GUCY2C: variants seen among roughly 807,000 people sequenced by gnomAD.
The protein encoded by GUCY2C is guanylyl cyclase C.
In GUCY2C, 118 loss-of-function variants were observed where a neutral mutation model predicts 131.1. The observed-to-expected ratio is 0.90, with a 90% CI of 0.78 to 1.05. GUCY2C has a LOEUF of 1.05. GUCY2C is among the 50% of genes least tolerant of loss of function. The pLI is 0.00. For missense variants in GUCY2C, 1,161 were observed against 1,304.4 expected (o/e 0.89, Z 1.69); for synonymous variants, 452 against 457.8 (o/e 0.99, Z 0.16).
intron 22 of GUCY2C, among the ~76,000 whole-genome samples, chr12:14,621,774 G>A (rs1035673368): frequency 1.3e-5 from 2 of 152,110 alleles, no homozygotes; most frequent in African/African-American, 4.8e-5. Context: ...ATTAATTCCT[G>A]CTGAACTTCC....
At chr12:14,614,774 A>G in intron 26 of GUCY2C, 93 bp downstream of exon 26, 1 of 716,198 alleles carries the variant, frequency 1.4e-6, no homozygotes, top group South Asian at 1.7e-5. Context: ...AATATATGCC[A>G]CTTGTAAGGC....
At chr12:14,678,967 GAGGAAAAGATC>G (rs1735246469) in intron 6 of GUCY2C, among the ~76,000 whole-genome samples, 1 of 152,170 alleles carries the variant, frequency 6.6e-6, no homozygotes, top group African/African-American at 2.4e-5. Context: ...GAGAAATGTG[GAGGAAAAGATC>G]ACCACCTAGT....
chr12:14,674,526 TG>T, intron 8 of GUCY2C, 98 bp downstream of exon 8: 3 of 904,290 alleles, frequency 3.3e-6, no homozygotes, highest in Non-Finnish European at 5.2e-6. Context: ...GATTTAGCTG[TG>T]GAATCATCTA....
At chr12:14,618,536 T>A (rs1284142224) in intron 24 of GUCY2C, among the ~76,000 whole-genome samples, 1 of 151,860 alleles carries the variant, frequency 6.6e-6, no homozygotes, top group Non-Finnish European at 1.5e-5. Flanking sequence ...AAAATCAATT[T>A]CCAGAAAAAA....
At chr12:14,690,814 T>G (rs913155824) in intron 1 of GUCY2C, among the ~76,000 whole-genome samples, 1 of 152,226 alleles carries the variant, frequency 6.6e-6, no homozygotes, top group Non-Finnish European at 1.5e-5. Context: ...GTGCTGGGAT[T>G]ACAGGCGTGA....
chr12:14,674,120 T>C (rs4764116), intron 8 of GUCY2C, among the ~76,000 whole-genome samples: 150,464 of 152,236 alleles, frequency 0.99, 74,372 homozygotes, highest in Middle Eastern at 1. Context: ...AAACGAAAGA[T>C]GGGAGTTTCA....
chr12:14,679,667 C>T lies in GUCY2C; in HGVS notation c.820G>A (p.Asp274Asn), dbSNP rs755325413. 3.3e-6 allele frequency: 5 copies of T among 1,530,996 alleles called. No individual in the cohort carries two copies. The African/African-American group carries it at 4.1e-5, about 13-fold the overall frequency. The allele number at this position is 1,530,996 out of a possible 1,614,324, so 94.8% of individuals were successfully genotyped here. Residue 274 changes from aspartate to asparagine, a missense_variant, in exon 6 of 27, where the codon GAT becomes AAT. Physicochemically the swap from Asp to Asn is conservative, Grantham distance 23. Coordinates refer to ENST00000261170, the MANE Select transcript of GUCY2C (RefSeq NM_004963.4). ...AAATGTTATACCTACTTGAAAAGAT[C>T]CACTAGAATAATGACAATGTCTTCA... ...VAEDIVIILV[D>N]LFNDQYFEDN...
chr12:14,682,482 G>A (rs539836413), intron 4 of GUCY2C, among the ~76,000 whole-genome samples: 1 of 152,306 alleles, frequency 6.6e-6, no homozygotes, highest in African/African-American at 2.4e-5. Flanking sequence ...ATGCGAAACT[G>A]TGAGTCAATT....
At chr12:14,692,165 T>G (rs1466511633) in intron 1 of GUCY2C, among the ~76,000 whole-genome samples, 1 of 152,196 alleles carries the variant, frequency 6.6e-6, no homozygotes, top group Non-Finnish European at 1.5e-5. Flanking sequence ...ATAATTATAC[T>G]AAGACATTCC....
At chr12:14,657,992 C>A (rs1034622914) in intron 11 of GUCY2C, among the ~76,000 whole-genome samples, 20 of 151,920 alleles carry the variant, frequency 1.3e-4, no homozygotes, top group African/African-American at 4.8e-4. Context: ...TTTTTTTAAC[C>A]TTTATGATGA....
chr12:14,645,254 A>G lies in GUCY2C; in HGVS notation c.1772T>C (p.Ile591Thr), dbSNP rs773674282. The part of the protein sequence containing the change: ...DGTFMDWEFK[I>T]SVLYDIAKGM... ...CTTAGCAATGTCATACAAGACAGAG[A>G]TCTTAAACTCCCAATCCATGAATGT... Residue 591 changes from isoleucine to threonine, a missense_variant, in exon 16 of 27, where the codon ATC (isoleucine) becomes ACC (threonine). Transcript: ENST00000261170. The G allele has an allele frequency of 1.9e-6, 3 of 1,585,608 alleles. No homozygotes were observed. Among genetic ancestry groups the G allele is most frequent in the East Asian group, 2.2e-5 (1 of 44,666 alleles).
Position 14,669,785 on chromosome 12 carries a change from C to T in GUCY2C, c.1219G>A (p.Val407Met), listed in dbSNP as rs530209992. 2 of 1,605,938 alleles carry T rather than the reference C, an allele frequency of 1.2e-6. No individual in the cohort carries two copies. Among genetic ancestry groups the T allele is most frequent in the Non-Finnish European group, 1.7e-6 (2 of 1,173,942 alleles). ...YDTHVNKTYP[V>M]DMSPTFTWKN... is the part of the protein sequence containing the mutation. ...CAAGTGAATGTGGGGCTCATATCCACAGGATAGGTCTTATTTACGTGGGTA... is the reference window on the plus strand; with the variant it reads ...CAAGTGAATGTGGGGCTCATATCCATAGGATAGGTCTTATTTACGTGGGTA... Residue 407 changes from valine to methionine, a missense_variant, in exon 10 of 27, where the codon GTG becomes ATG. Physicochemically the swap from Val to Met is conservative, Grantham distance 21. Coordinates refer to ENST00000261170, the MANE Select transcript of GUCY2C (RefSeq NM_004963.4).
chr12:14,625,043 C>T (rs193129343), intron 21 of GUCY2C, among the ~76,000 whole-genome samples: 1 of 152,326 alleles, frequency 6.6e-6, no homozygotes, highest in East Asian at 1.9e-4. Context: ...TTCCCAGGCA[C>T]TCTGAGGGCT....
chr12:14,651,322 T>C (rs1947654054), intron 15 of GUCY2C, 85 bp downstream of exon 15: 2 of 707,064 alleles, frequency 2.8e-6, no homozygotes, highest in East Asian at 5.3e-5. Context: ...TTTTCTCTAA[T>C]ATTATTTTAC....
chr12:14,664,576 G>C (rs955690674), intron 10 of GUCY2C, among the ~76,000 whole-genome samples: 1 of 151,952 alleles, frequency 6.6e-6, no homozygotes, highest in South Asian at 2.1e-4. Flanking sequence ...TTAGATAAAC[G>C]CAGTATCAAG....
At chr12:14,671,180 A>G in intron 9 of GUCY2C, among the ~76,000 whole-genome samples, 1 of 151,982 alleles carries the variant, frequency 6.6e-6, no homozygotes. Context: ...TGTACCCTCA[A>G]AATGTTCTGG....
chr12:14,635,016 G>T (rs1358192754), intron 19 of GUCY2C, among the ~76,000 whole-genome samples: 7 of 152,146 alleles, frequency 4.6e-5, no homozygotes, highest in African/African-American at 1.7e-4. Flanking sequence ...TCTAATAATA[G>T]TTGGGGACTT....
intron 10 of GUCY2C, among the ~76,000 whole-genome samples, chr12:14,666,224 C>CACACA (rs1411730089): frequency 1.3e-5 from 2 of 152,150 alleles, no homozygotes; most frequent in African/African-American, 4.8e-5. Flanking sequence ...CCATGACACC[C>CACACA]ACACATGTGG....
intron 19 of GUCY2C, among the ~76,000 whole-genome samples, chr12:14,630,084 C>T (rs1387597842): frequency 6.6e-6 from 1 of 150,692 alleles, no homozygotes. Flanking sequence ...CATCTGCTAC[C>T]ACCTGTTTGC....
Sources: allele counts gnomAD v4.1 joint callset (sites outside exome capture counted in the v4.1 genomes callset), GRCh38; gene constraint gnomAD v4.1.1; transcripts MANE v1.5; gene names NCBI Gene and HGNC (gene_info 2026-07-23, HGNC 2026-07-21).